CCDC158: variants seen among roughly 807,000 people sequenced by gnomAD.
The protein encoded by CCDC158 is coiled-coil domain-containing protein 158.
CCDC158 carries 116 observed loss-of-function variants against 138.6 expected under a neutral mutation model. The ratio of observed to expected loss-of-function variants is 0.84; its 90% CI spans 0.72 to 0.98. The LOEUF (loss-of-function observed/expected upper bound fraction) is 0.98, where lower values mean the gene tolerates loss of function less well. Ranked by LOEUF, CCDC158 falls within the 50% of genes least tolerant of loss-of-function variation. The pLI is 0.00. For synonymous variants in CCDC158, 436 were observed against 442.4 expected (o/e 0.99, Z 0.18); for missense variants, 1,265 against 1,306.1 (o/e 0.97, Z 0.48).
chr4:76,386,729 C>T (rs1290695340), intron 4 of CCDC158, among the ~76,000 whole-genome samples: 2 of 152,192 alleles, frequency 1.3e-5, no homozygotes, highest in Admixed American at 6.5e-5. Context: ...CAATGCCACC[C>T]CTTCCACCAT....
intron 3 of CCDC158, among the ~76,000 whole-genome samples, chr4:76,399,703 G>A (rs895032725): frequency 1.3e-5 from 2 of 152,122 alleles, no homozygotes; most frequent in Admixed American, 1.3e-4. Flanking sequence ...GGGGAAAAGG[G>A]TTTTTGTCAT....
intron 13 of CCDC158, among the ~76,000 whole-genome samples, chr4:76,359,842 T>C (rs926579539): frequency 6.6e-6 from 1 of 152,222 alleles, no homozygotes; most frequent in African/African-American, 2.4e-5. Context: ...AAAAATCCAT[T>C]TTCTAGGGAG....
chr4:76,420,403 G>C (rs1170626580), intron 1 of CCDC158, among the ~76,000 whole-genome samples: 1 of 152,168 alleles, frequency 6.6e-6, no homozygotes, highest in Non-Finnish European at 1.5e-5. Context: ...AACAAAACCT[G>C]GAGCAGCCTG....
Position 76,367,410 on chromosome 4 carries a change from C to T in CCDC158, c.1714G>A (p.Glu572Lys), listed in dbSNP as rs1724785228. ...TGGCCCACCAGCTGTGTCATGTTCT[C>T]AATCTGCTGTCGCAGAATCTCGATC... ...KVIEILRQQI[E>K]NMTQLVGQHG... Residue 572 changes from glutamate (E) to lysine (K), a missense_variant, in exon 12 of 25, where the codon GAG becomes AAG. Physicochemically the swap from Glu to Lys is moderately conservative, Grantham distance 56 (BLOSUM62 1). Coordinates refer to ENST00000682701, the MANE Select transcript of CCDC158 (RefSeq NM_001394954.1). 2.5e-6 allele frequency: 4 copies of T among 1,614,116 alleles called. No homozygotes were observed. The highest frequency in any genetic ancestry group is 2.5e-6 in the Non-Finnish European group (3 of 1,180,048).
chr4:76,332,775 A>G (rs988519599), intron 19 of CCDC158, among the ~76,000 whole-genome samples: 4 of 152,200 alleles, frequency 2.6e-5, no homozygotes, highest in Admixed American at 2.6e-4. Flanking sequence ...TAGGGATCAA[A>G]TATATTCACG....
At chr4:76,409,350 A>G (rs1258265241) in intron 2 of CCDC158, among the ~76,000 whole-genome samples, 1 of 152,138 alleles carries the variant, frequency 6.6e-6, no homozygotes, top group Non-Finnish European at 1.5e-5. Context: ...TTGTTAAAAA[A>G]AAAACTCTGC....
At chr4:76,368,063 G>C (rs1328620011) in intron 11 of CCDC158, among the ~76,000 whole-genome samples, 1 of 151,984 alleles carries the variant, frequency 6.6e-6, no homozygotes, top group East Asian at 1.9e-4. Context: ...TCATTTTGCT[G>C]TCAGAACTCT....
chr4:76,373,348 C>T (rs535706326), intron 9 of CCDC158, among the ~76,000 whole-genome samples: 32 of 152,324 alleles, frequency 2.1e-4, no homozygotes, highest in Non-Finnish European at 4.4e-4. Context: ...ACTATTTTAT[C>T]ATCTACTTTC....
chr4:76,338,413 G>A (rs1004072941), intron 18 of CCDC158, among the ~76,000 whole-genome samples: 2 of 152,206 alleles, frequency 1.3e-5, no homozygotes, highest in Non-Finnish European at 2.9e-5. Flanking sequence ...TCGGGGGCCT[G>A]AGGCAGAAGA....
At chr4:76,403,959 G>T (rs1728612874) in intron 2 of CCDC158, among the ~76,000 whole-genome samples, 4 of 152,088 alleles carry the variant, frequency 2.6e-5, no homozygotes, top group Admixed American at 2.0e-4. Flanking sequence ...CATCCCCAGA[G>T]GTGAAAAAGT....
intron 4 of CCDC158, among the ~76,000 whole-genome samples, chr4:76,389,083 A>C (rs972349859): frequency 1.3e-5 from 2 of 152,132 alleles, no homozygotes; most frequent in Non-Finnish European, 2.9e-5. Flanking sequence ...AACACCATCC[A>C]GGAAAACATG....
At chr4:76,334,385 C>T (rs1721279368) in intron 18 of CCDC158, among the ~76,000 whole-genome samples, 1 of 152,144 alleles carries the variant, frequency 6.6e-6, no homozygotes, top group Admixed American at 6.5e-5. Context: ...GACACATATA[C>T]ACATATGGGG....
intron 15 of CCDC158, among the ~76,000 whole-genome samples, chr4:76,353,835 T>A (rs1034135211): frequency 2.0e-5 from 3 of 152,160 alleles, no homozygotes; most frequent in African/African-American, 7.2e-5. Flanking sequence ...AACATTTCAT[T>A]AAAATTAGTT....
chr4:76,358,619 C>T (rs1037251947), intron 13 of CCDC158, among the ~76,000 whole-genome samples: 1 of 152,162 alleles, frequency 6.6e-6, no homozygotes, highest in African/African-American at 2.4e-5. Context: ...GTTCTCTCTG[C>T]CTGGAATGTC....
At position 76,403,148 on chromosome 4, in the gene CCDC158, T is replaced by C. The variant is rs78046695; in HGVS notation, c.60A>G (p.Thr20=). The C allele has an allele frequency of 2.2e-5, 35 of 1,605,102 alleles. No individual in the cohort carries two copies. The East Asian group carries it at 6.1e-4, about 28-fold the overall frequency. ...ATAAACAGCACATACCTCCATTAGA[T>C]GTGACACCACTACTTGATAAAAGAT... is the stretch of plus-strand genomic sequence containing the variant. ...NEDLLSSSGV[T]SNGGSSSSFF... Residue 20 remains threonine (T), a synonymous_variant, in exon 3 of 25, where the codon ACA becomes ACG. Coordinates refer to ENST00000682701, the MANE Select transcript of CCDC158 (RefSeq NM_001394954.1).
intron 19 of CCDC158, among the ~76,000 whole-genome samples, chr4:76,333,259 T>C (rs1361318411): frequency 6.6e-6 from 1 of 152,196 alleles, no homozygotes; most frequent in Non-Finnish European, 1.5e-5. Flanking sequence ...TATATAGGTA[T>C]CATTTCAGGA....
chr4:76,365,085 T>C (rs945073048), intron 12 of CCDC158, among the ~76,000 whole-genome samples: 4 of 152,248 alleles, frequency 2.6e-5, no homozygotes, highest in Non-Finnish European at 5.9e-5. Flanking sequence ...GTTCCACCTC[T>C]TGAGGCCAGC....
intron 18 of CCDC158, among the ~76,000 whole-genome samples, chr4:76,338,076 T>C (rs1449122576): frequency 6.6e-6 from 1 of 152,192 alleles, no homozygotes; most frequent in African/African-American, 2.4e-5. Context: ...CATTAGATTC[T>C]CATAGGAGTG....
intron 18 of CCDC158, chr4:76,345,291 A>G: frequency 1.0e-6 from 1 of 1,003,208 alleles, no homozygotes. Context: ...CGAAGCTGCT[A>G]AGGATCTCTT....
Sources: gnomAD v4.1 joint callset for allele counts (sites outside exome capture counted in the v4.1 genomes callset) on GRCh38, gnomAD v4.1.1 for gene constraint, MANE v1.5 for transcripts, NCBI Gene and HGNC (gene_info 2026-07-23, HGNC 2026-07-21) for gene names.